Variants in MTFR2 observed in about 807,000 individuals in gnomAD.
The protein encoded by MTFR2 is DUF729 domain-containing protein 1.
MTFR2 carries 44 observed loss-of-function variants against 41.2 expected under a neutral mutation model. The observed-to-expected ratio is 1.07, with a 90% confidence interval of 0.84 to 1.37. The LOEUF is 1.37. MTFR2 is among the 40% of genes most tolerant of loss of function. The pLI is 0.00. For synonymous variants in MTFR2, 141 were observed against 154.6 expected (o/e 0.91, Z 0.65); for missense variants, 452 against 459.5 (o/e 0.98, Z 0.15).
intron 6 of MTFR2, 59 bp from the exon 7 acceptor site, chr6:136,233,558 G>GT: frequency 1.5e-6 from 2 of 1,295,074 alleles, no homozygotes; most frequent in Non-Finnish European, 2.1e-6. Flanking sequence ...TTAGCTCCTT[G>GT]TTGACAAACA....
rs374249205 is a variant in MTFR2 at position 136,233,500 on chromosome 6, C to T, written c.870-1G>A. The T allele has an allele frequency of 3.7e-5, 54 of 1,464,196 alleles. No homozygotes were observed. The highest frequency in any genetic ancestry group is 2.3e-4 in the Middle Eastern group (1 of 4,338). 90.7% of individuals were successfully genotyped at this position (1,464,196 alleles called of 1,614,324 possible). A position where few individuals can be genotyped will look rare whatever the true frequency, so the allele number is the denominator to read the frequency against. ...ATGAATGGGTCTACCGCCAGGTGACCTATTTTTTAAAAAAAAAAATTGAAT... is the reference window on the plus strand; with the variant it reads ...ATGAATGGGTCTACCGCCAGGTGACTTATTTTTTAAAAAAAAAAATTGAAT... On this transcript the variant is annotated splice_acceptor_variant, in intron 6 of 7. Transcript: ENST00000420702. LOFTEE classifies it high-confidence loss of function.
chr6:136,243,024 AAG>A, intron 3 of MTFR2, 51 bp from the exon 4 acceptor site: 1 of 1,177,184 alleles, frequency 8.5e-7, no homozygotes, highest in Non-Finnish European at 1.2e-6. Context: ...GAGTCAGGAG[AAG>A]ACACATGCCC....
At chr6:136,245,710 C>A (rs1344089709) in intron 2 of MTFR2, among the ~76,000 whole-genome samples, 1 of 152,216 alleles carries the variant, frequency 6.6e-6, no homozygotes, top group African/African-American at 2.4e-5. Context: ...TGTGACCCAT[C>A]ATGTGAGGTC....
intron 6 of MTFR2, among the ~76,000 whole-genome samples, chr6:136,237,677 G>A (rs763280178): frequency 6.6e-6 from 1 of 151,994 alleles, no homozygotes; most frequent in Non-Finnish European, 1.5e-5. Flanking sequence ...GGGCATGGTG[G>A]CACGTGCCTG....
chr6:136,239,979 A>C (rs1780013710), intron 5 of MTFR2, among the ~76,000 whole-genome samples, 159 bp from the exon 6 acceptor site: 1 of 151,918 alleles, frequency 6.6e-6, no homozygotes, highest in East Asian at 1.9e-4. Flanking sequence ...TTAGTAATTT[A>C]AGAGTCAAGT....
intron 4 of MTFR2, among the ~76,000 whole-genome samples, chr6:136,242,366 T>C (rs556035646): frequency 6.6e-6 from 1 of 152,320 alleles, no homozygotes; most frequent in Non-Finnish European, 1.5e-5. Context: ...TAAAGAGCCT[T>C]ACATTCAGGA....
At chr6:136,236,325 G>A (rs2023964345) in intron 6 of MTFR2, among the ~76,000 whole-genome samples, 1 of 152,112 alleles carries the variant, frequency 6.6e-6, no homozygotes, top group Non-Finnish European at 1.5e-5. Flanking sequence ...GGAAGAGCCT[G>A]GCCATGAATG....
At chr6:136,245,736 C>T (rs1780196966) in intron 2 of MTFR2, among the ~76,000 whole-genome samples, 1 of 152,134 alleles carries the variant, frequency 6.6e-6, no homozygotes, top group African/African-American at 2.4e-5. Context: ...TAAAATTTTC[C>T]CATTGTGGTG....
intron 2 of MTFR2, among the ~76,000 whole-genome samples, chr6:136,245,657 C>T (rs1210557773): frequency 6.6e-6 from 1 of 152,160 alleles, no homozygotes; most frequent in African/African-American, 2.4e-5. Context: ...CAACTAACAA[C>T]AGCAGGCTAA....
chr6:136,236,483 G>A (rs1294083612), intron 6 of MTFR2, among the ~76,000 whole-genome samples: 2 of 152,160 alleles, frequency 1.3e-5, no homozygotes, highest in African/African-American at 2.4e-5. Context: ...AGAATAGGGG[G>A]ACAGGAGGCA....
intron 6 of MTFR2, among the ~76,000 whole-genome samples, chr6:136,236,365 A>T (rs1052614878): frequency 1.3e-5 from 2 of 152,186 alleles, no homozygotes; most frequent in African/African-American, 4.8e-5. Flanking sequence ...AGCAAGATGG[A>T]AGGCAGAGAA....
intron 2 of MTFR2, among the ~76,000 whole-genome samples, chr6:136,245,461 T>C (rs952837593): frequency 6.6e-6 from 1 of 152,176 alleles, no homozygotes; most frequent in Non-Finnish European, 1.5e-5. Context: ...CTTCATCCTT[T>C]AGTGTGGGCT....
intron 7 of MTFR2, among the ~76,000 whole-genome samples, chr6:136,232,191 G>C (rs1230312673): frequency 6.6e-6 from 1 of 152,080 alleles, no homozygotes; most frequent in Non-Finnish European, 1.5e-5. Flanking sequence ...TGAGCACAGA[G>C]GCTGCACACA....
chr6:136,245,494 G>T (rs6913425), intron 2 of MTFR2, among the ~76,000 whole-genome samples: 23,082 of 152,010 alleles, frequency 0.15, 5,654 homozygotes, highest in African/African-American at 0.51. Context: ...GTAAACCATT[G>T]CCACAGGAAC....
At chr6:136,248,434 T>C (rs973686190) in intron 2 of MTFR2, among the ~76,000 whole-genome samples, 8 of 152,262 alleles carry the variant, frequency 5.3e-5, no homozygotes, top group South Asian at 2.1e-4. Context: ...ATAAGTCTCA[T>C]GAGATGTGAT....
Position 136,233,358 on chromosome 6 carries a change from T to C in MTFR2, c.1011A>G (p.Glu337=). The C allele has an allele frequency of 6.2e-7, 1 of 1,613,032 alleles. No individual in the cohort carries two copies. Among genetic ancestry groups the C allele is most frequent in the Middle Eastern group, 1.7e-4 (1 of 6,026 alleles). ...TTTCTGGACTAGAAAATGGGGAAGA[T>C]TCCCAAGATCTATTCTCTTTCTCAA... ...DSFEKENRSW[E]SSPFSSPETS... The change falls in exon 7 of 8, where the codon GAA becomes GAG. Residue 337 remains glutamate, a synonymous_variant. Coordinates refer to ENST00000420702, the MANE Select transcript of MTFR2 (RefSeq NM_001099286.3).
At chr6:136,235,632 C>T (rs1779884024) in intron 6 of MTFR2, among the ~76,000 whole-genome samples, 1 of 152,064 alleles carries the variant, frequency 6.6e-6, no homozygotes, top group Non-Finnish European at 1.5e-5. Context: ...TCCCAGAAAC[C>T]AAGTAAAGAA....
At chr6:136,236,487 G>T (rs1779909011) in intron 6 of MTFR2, among the ~76,000 whole-genome samples, 1 of 152,234 alleles carries the variant, frequency 6.6e-6, no homozygotes, top group South Asian at 2.1e-4. Flanking sequence ...TAGGGGGACA[G>T]GAGGCAGAGG....
At position 136,242,079 on chromosome 6, in the gene MTFR2, CAAAAAAAAAA is replaced by C. The variant is rs548176168; in HGVS notation, c.282-413_282-404del. Among the ~76,000 whole-genome samples, 8 of 17,510 alleles carry C rather than the reference CAAAAAAAAAA, an allele frequency of 4.6e-4. No individual in the cohort carries two copies. In the South Asian group the frequency reaches 9.1e-3, roughly 20 times the overall value. The allele number at this position is 17,510 out of a possible 152,430, so 11.5% of individuals were successfully genotyped here. ...TGGTCGACAGAGTAAGACTCTGTCT[CAAAAAAAAAA>C]AAAAAAAAAAAAAAAAAAACCTACT... On this transcript the variant is annotated intron_variant, in intron 4 of 7. Transcript: ENST00000420702.
Sources: allele counts gnomAD v4.1 joint callset (sites outside exome capture counted in the v4.1 genomes callset), GRCh38; gene constraint gnomAD v4.1.1; transcripts MANE v1.5; gene names NCBI Gene and HGNC (gene_info 2026-07-23, HGNC 2026-07-21).